NCOA4: variants seen among roughly 807,000 people sequenced by gnomAD.
NCOA4 encodes nuclear receptor coactivator 4.
Under a neutral mutation model 69.5 loss-of-function variants are expected in NCOA4, and 31 were observed. The observed-to-expected ratio is 0.45, with a 90% CI of 0.34 to 0.60. The LOEUF is 0.60. NCOA4 is among the 20% of genes least tolerant of loss of function. The pLI, the probability that NCOA4 is intolerant of heterozygous loss-of-function variation, is 0.02. For synonymous variants in NCOA4, 228 were observed against 252.4 expected (o/e 0.90, Z 0.92); for missense variants, 600 against 719.2 (o/e 0.83, Z 1.90).
rs1296356439 is a variant in NCOA4, at chr10:46,023,517, C to T, written c.-14-6823G>A. ...CAAGGGCGGGGAGGAGCGGAAAACT[C>T]CGCCCATTGTTGCCCTGCTCCCAGC... On this transcript the variant is annotated intron_variant, in intron 1 of 9. Transcript: ENST00000581486. The T allele has an allele frequency of 4.1e-6, 4 of 985,440 alleles. No homozygotes were observed. In the African/African-American group the frequency reaches 7.0e-5, roughly 17 times the overall value. The allele number at this position is 985,440 out of a possible 1,614,324, so 61.0% of individuals were successfully genotyped here. A position where few individuals can be genotyped will look rare whatever the true frequency, so the allele number is the denominator to read the frequency against.
At position 46,010,842 on chromosome 10, in the gene NCOA4, A is replaced by G. The variant is rs1554921202; in HGVS notation, c.1079T>C (p.Ile360Thr). The change falls in exon 8 of 10, where the codon ATT becomes ACT. Residue 360 changes from isoleucine to threonine, a missense_variant. Coordinates refer to ENST00000581486, the MANE Select transcript of NCOA4 (RefSeq NM_001145263.2). Reference protein sequence around the residue: ...CQGNQPKGVEIENLGNLKCLN... With the variant: ...CQGNQPKGVETENLGNLKCLN... ...GCACTTCAGATTGCCCAGGTTTTCA[A>G]TCTCCACACCTTTGGGCTGGTTTCC... 1 of 1,613,920 alleles carries G rather than the reference A, an allele frequency of 6.2e-7. No individual in the cohort carries two copies. Among genetic ancestry groups the G allele is most frequent in the East Asian group, 2.2e-5 (1 of 44,872 alleles).
At position 46,013,642 on chromosome 10, in the gene NCOA4, A is replaced by G; in HGVS notation, c.481-3T>C. The G allele has an allele frequency of 1.3e-6, 2 of 1,596,470 alleles. No individual in the cohort carries two copies. The highest frequency in any genetic ancestry group is 2.3e-5 in the South Asian group (2 of 88,432). On this transcript the variant is annotated splice_polypyrimidine_tract_variant and splice_region_variant and intron_variant, in intron 5 of 9. Transcript: ENST00000581486. ...GCCATCAAGTGCTCAGGAATTTGCT[A>G]CAAAATAGAGATAATTTAATCATGT... is the stretch of plus-strand genomic sequence containing the variant.
At chr10:46,021,272 C>T (rs762894203) in intron 1 of NCOA4, among the ~76,000 whole-genome samples, 2 of 152,154 alleles carry the variant, frequency 1.3e-5, no homozygotes, top group Non-Finnish European at 2.9e-5. Context: ...AAAATAGCTC[C>T]TCACAAGCCT....
chr10:46,016,655 C>G lies in NCOA4; in HGVS notation c.26G>C (p.Gly9Ala), dbSNP rs1554923332. ...AAGGGGTTCTCTATTACTGGAGCTG[C>G]CACTCTGGTCTTGGAAGGTATTCAT... is the stretch of plus-strand genomic sequence containing the variant. MNTFQDQS[G>A]SSSNREPLLR... Residue 9 changes from glycine (G) to alanine (A), a missense_variant, in exon 2 of 10, where the codon GGC becomes GCC. Transcript: ENST00000581486. 8 of 1,524,300 alleles carry G rather than the reference C, an allele frequency of 5.2e-6. No homozygotes were observed. Among genetic ancestry groups the G allele is most frequent in the Non-Finnish European group, 7.1e-6 (8 of 1,125,360 alleles). 94.4% of individuals were successfully genotyped at this position (1,524,300 alleles called of 1,614,324 possible). A position where few individuals can be genotyped will look rare whatever the true frequency, so the allele number is the denominator to read the frequency against.
In NCOA4 at chr10:46,009,393, C is replaced by G. The variant is rs2132315464; in HGVS notation, c.1839+18G>C. The G allele has an allele frequency of 6.3e-7, 1 of 1,598,240 alleles. No homozygotes were observed. Among genetic ancestry groups the G allele is most frequent in the Non-Finnish European group, 8.5e-7 (1 of 1,174,442 alleles). On this transcript the variant is annotated intron_variant, in intron 9 of 9. Coordinates refer to ENST00000581486, the MANE Select transcript of NCOA4 (RefSeq NM_001145263.2). Reference sequence around the variant, plus strand: ...AAATAGCTATAATCTAATTTTCATGCTGGTGGCATGTACCCACCTGTAGAG... The same window carrying G: ...AAATAGCTATAATCTAATTTTCATGGTGGTGGCATGTACCCACCTGTAGAG...
At chr10:46,021,748 TCA>T (rs1362079730) in intron 1 of NCOA4, among the ~76,000 whole-genome samples, 1 of 152,016 alleles carries the variant, frequency 6.6e-6, no homozygotes, top group Non-Finnish European at 1.5e-5. Flanking sequence ...TCACCTGAGG[TCA>T]GGAGTTCGAG....
chr10:46,006,932 C>T (rs74877435), intron 9 of NCOA4, among the ~76,000 whole-genome samples: 3,917 of 152,316 alleles, frequency 0.026, 69 homozygotes, highest in East Asian at 0.051. Context: ...TAGTCCCCAT[C>T]TCTCACTCTT....
At chr10:46,013,501 G>A in intron 6 of NCOA4, 49 bp downstream of exon 6, 1 of 1,361,818 alleles carries the variant, frequency 7.3e-7, no homozygotes, top group Non-Finnish European at 1.0e-6. Flanking sequence ...CCCAAAGGAA[G>A]TATAAGCCAA....
In NCOA4 at chr10:46,006,390, C is replaced by T. The variant is rs374871612; in HGVS notation, c.*202G>A. Reference sequence around the variant, plus strand: ...TAAGAAGGAGGGAACTGAATCACCTCAGCATGAATAAACAGCATTTTTCTT... The same window carrying T: ...TAAGAAGGAGGGAACTGAATCACCTTAGCATGAATAAACAGCATTTTTCTT... On this transcript the variant is annotated 3_prime_UTR_variant, in exon 10 of 10. Transcript: ENST00000581486. The T allele has an allele frequency of 2.9e-5, 17 of 591,530 alleles. No homozygotes were observed. Among genetic ancestry groups the T allele is most frequent in the African/African-American group, 2.8e-4 (15 of 54,244 alleles). 36.6% of individuals were successfully genotyped at this position (591,530 alleles called of 1,614,324 possible).
chr10:46,012,502 TG>T (rs1564921760), intron 7 of NCOA4, among the ~76,000 whole-genome samples: 1 of 151,872 alleles, frequency 6.6e-6, no homozygotes, highest in Non-Finnish European at 1.5e-5. Flanking sequence ...AGAAATTAAA[TG>T]ACAGAGAAAT....
chr10:46,008,985 T>C (rs1839022388), intron 9 of NCOA4: 1 of 586,938 alleles, frequency 1.7e-6, no homozygotes, highest in East Asian at 2.8e-5. Flanking sequence ...ATTGGTTTCT[T>C]CTTAAGACAT....
chr10:46,022,942 GATA>G (rs148050371), intron 1 of NCOA4, among the ~76,000 whole-genome samples: 137 of 152,146 alleles, frequency 9.0e-4, no homozygotes, highest in Non-Finnish European at 1.5e-3. Flanking sequence ...TTTAAAATAA[GATA>G]ATAATAAATT....
Position 46,005,308 on chromosome 10 carries a change from T to C in NCOA4, c.*1284A>G, listed in dbSNP as rs556290659. ...CTTTATATAATACTCCTAAATGATATCTGGGGAGGGAATTAAAAAATAATA... is the reference window on the plus strand; with the variant it reads ...CTTTATATAATACTCCTAAATGATACCTGGGGAGGGAATTAAAAAATAATA... On this transcript the variant is annotated 3_prime_UTR_variant, in exon 10 of 10. Transcript: ENST00000581486. 1.3e-4 allele frequency: 28 copies of C among 214,560 alleles called. No individual in the cohort carries two copies. Among genetic ancestry groups the C allele is most frequent in the African/African-American group, 5.6e-4 (25 of 44,344 alleles). The allele number at this position is 214,560 out of a possible 1,614,324, so 13.3% of individuals were successfully genotyped here.
chr10:46,012,079 A>AAAAAAAAAAAAAAAAAAAC (rs1839254415), intron 7 of NCOA4, among the ~76,000 whole-genome samples: 1 of 125,050 alleles, frequency 8.0e-6, no homozygotes, highest in Non-Finnish European at 1.6e-5. Context: ...AGAAAAAAAA[A>AAAAAAAAAAAAAAAAAAAC]AAAAAAAAAA....
chr10:46,023,242 G>A, intron 1 of NCOA4: 1 of 980,496 alleles, frequency 1.0e-6, no homozygotes, highest in Non-Finnish European at 1.2e-6. Flanking sequence ...GCAGTCAGCC[G>A]CTGCGACCCG....
At chr10:46,013,893 A>G (rs1839378543) in intron 5 of NCOA4, among the ~76,000 whole-genome samples, 1 of 152,222 alleles carries the variant, frequency 6.6e-6, no homozygotes, top group African/African-American at 2.4e-5. Context: ...TCTTTATTAA[A>G]AACTATTCAA....
chr10:46,019,366 G>A, intron 1 of NCOA4: 1 of 985,450 alleles, frequency 1.0e-6, no homozygotes, highest in African/African-American at 1.7e-5. Context: ...TGGAGAGCTG[G>A]AGCGTGATGG....
At chr10:46,015,714 C>CA (rs1364047580) in intron 2 of NCOA4, among the ~76,000 whole-genome samples, 4 of 152,144 alleles carry the variant, frequency 2.6e-5, no homozygotes, top group Admixed American at 6.5e-5. Flanking sequence ...AGAATAAAGA[C>CA]AGAGTATTAA....
chr10:46,027,225 C>T (rs1840205937), intron 1 of NCOA4, among the ~76,000 whole-genome samples: 2 of 146,274 alleles, frequency 1.4e-5, no homozygotes, highest in African/African-American at 5.1e-5. Context: ...GAGCGGAGAT[C>T]GCCCACTGCA....
Sources: allele counts gnomAD v4.1 joint callset (sites outside exome capture counted in the v4.1 genomes callset), GRCh38; gene constraint gnomAD v4.1.1; transcripts MANE v1.5; gene names NCBI Gene and HGNC (gene_info 2026-07-23, HGNC 2026-07-21).